Variants in DYSF observed in about 807,000 individuals in gnomAD.
The protein encoded by DYSF is dysferlin.
A neutral mutation model predicts 274.9 loss-of-function variants in DYSF; 212 were observed. That is an observed-to-expected ratio of 0.77 (90% CI 0.69 to 0.86). The LOEUF is 0.86. DYSF is among the 40% of genes least tolerant of loss of function. The probability of loss-of-function intolerance (pLI) is 0.00; values close to 1 mark genes in which losing one functional copy is unlikely to be tolerated. For synonymous variants in DYSF, 1,091 were observed against 1,078.7 expected, an observed-to-expected ratio of 1.01 and a Z score of -0.22; for missense variants, 2,666 against 2,783.2, an observed-to-expected ratio of 0.96 and a Z score of 0.95.
chr2:71,667,489 A>G lies in DYSF; in HGVS notation c.5431A>G (p.Ser1811Gly), dbSNP rs1393411104. The change falls in exon 48 of 56, where the codon AGC (serine) becomes GGC (glycine). Residue 1811 changes from serine (S) to glycine (G), a missense_variant. Ser to Gly is a moderately conservative substitution (Grantham distance 56, BLOSUM62 0). This residue lies in a region of DYSF where 1,460 missense variants were observed against 1,502.1 expected (regional missense o/e 0.97). Coordinates refer to ENST00000410020, the MANE Select transcript of DYSF (RefSeq NM_001130987.2). The part of the protein sequence containing the change: ...PEHVESRPLY[S>G]PLQPDIEQGK... ...GCACGTGGAGTCACGGCCCCTCTAC[A>G]GCCCCCTGCAGCCAGACATCGAGCA... The G allele has an allele frequency of 1.9e-6, 3 of 1,614,004 alleles. No individual in the cohort carries two copies. The highest frequency in any genetic ancestry group is 3.3e-4 in the Middle Eastern group (2 of 6,066).
At chr2:71,565,892 C>T (rs533016569) in intron 24 of DYSF, among the ~76,000 whole-genome samples, 2 of 152,358 alleles carry the variant, frequency 1.3e-5, no homozygotes, top group East Asian at 3.9e-4. Flanking sequence ...CACCTCTCCC[C>T]TTTTCCTTTT....
intron 29 of DYSF, chr2:71,570,983 A>G: frequency 1.7e-6 from 1 of 574,800 alleles, no homozygotes; most frequent in Non-Finnish European, 3.1e-6. Context: ...GATCACACCC[A>G]GCACACAGAT....
chr2:71,581,837 T>G (rs1265891853), intron 30 of DYSF, among the ~76,000 whole-genome samples: 1 of 152,190 alleles, frequency 6.6e-6, no homozygotes, highest in African/African-American at 2.4e-5. Context: ...AATCTGGCCC[T>G]CTGCCTGCTT....
rs189558427 is a variant in DYSF at position 71,518,135 on chromosome 2, C to T, written c.1002+1096C>T. Among the ~76,000 whole-genome samples the T allele has an allele frequency of 1.1e-3, 163 of 152,304 alleles. 1 individual carries two copies. Among genetic ancestry groups the T allele is most frequent in the East Asian group, 9.3e-3 (48 of 5,180 alleles). On this transcript the variant is annotated intron_variant, in intron 10 of 55. Transcript: ENST00000410020. ...GGGGAACCCTGCCCCAGCCTCCTCACTTGTCCCAGACAGTCCAGAAGTGAA... is the reference window on the plus strand; with the variant it reads ...GGGGAACCCTGCCCCAGCCTCCTCATTTGTCCCAGACAGTCCAGAAGTGAA...
chr2:71,632,097 A>G (rs2094324620), intron 41 of DYSF, among the ~76,000 whole-genome samples: 1 of 152,164 alleles, frequency 6.6e-6, no homozygotes, highest in African/African-American at 2.4e-5. Context: ...GGAAATCTAC[A>G]GCATAGGCAA....
At chr2:71,616,184 GGTTTGTGTC>G (rs2093879577) in intron 40 of DYSF, among the ~76,000 whole-genome samples, 1 of 152,102 alleles carries the variant, frequency 6.6e-6, no homozygotes, top group South Asian at 2.1e-4. Flanking sequence ...GAAATGTTTT[GGTTTGTGTC>G]GAGAGTGGCC....
rs148433044 is a variant in DYSF, at chr2:71,587,301, C to T, written c.3403-2292C>T. 4.7e-4 allele frequency among the ~76,000 whole-genome samples: 72 copies of T among 152,274 alleles called. No individual in the cohort carries two copies. In the East Asian group the frequency reaches 9.9e-3, roughly 21 times the overall value. On this transcript the variant is annotated intron_variant, in intron 30 of 55. Coordinates refer to ENST00000410020, the MANE Select transcript of DYSF (RefSeq NM_001130987.2). ...AGGGAGGATTTCAGGCCTTTGGGTC[C>T]GTGAGAGAGAGCGAGAGAGGGGGAA...
chr2:71,468,122 C>A (rs1056031889), intron 1 of DYSF, among the ~76,000 whole-genome samples: 2 of 152,190 alleles, frequency 1.3e-5, no homozygotes, highest in Non-Finnish European at 2.9e-5. Context: ...CCTGGGAGTT[C>A]ACTATGCAAG....
intron 10 of DYSF, among the ~76,000 whole-genome samples, chr2:71,518,819 G>T (rs1205529713): frequency 6.6e-6 from 1 of 151,792 alleles, no homozygotes. Context: ...GGGACCAGGC[G>T]CAGTGGCTCA....
intron 40 of DYSF, 113 bp downstream of exon 40, chr2:71,613,523 C>T: frequency 2.1e-6 from 2 of 951,554 alleles, no homozygotes; most frequent in East Asian, 2.6e-5. Flanking sequence ...TACACATCCC[C>T]TTCTGGGCTC....
chr2:71,554,807 G>T (rs1043932864), intron 21 of DYSF, among the ~76,000 whole-genome samples: 2 of 152,318 alleles, frequency 1.3e-5, no homozygotes, highest in Admixed American at 6.5e-5. Flanking sequence ...GCTGGATGCT[G>T]CAGTCCTGGC....
intron 3 of DYSF, among the ~76,000 whole-genome samples, chr2:71,491,059 A>AATG (rs1395102082): frequency 3.3e-5 from 5 of 152,204 alleles, no homozygotes; most frequent in Non-Finnish European, 7.3e-5. Flanking sequence ...TGTCCCAATT[A>AATG]ATGTCCACCA....
At chr2:71,612,607 A>C in intron 38 of DYSF, 34 bp from the exon 39 acceptor site, 1 of 1,611,164 alleles carries the variant, frequency 6.2e-7, no homozygotes, top group African/African-American at 1.3e-5. Flanking sequence ...CCAGAGGGGG[A>C]TTCAGGCCAG....
At chr2:71,665,403 A>G in intron 47 of DYSF, 99 bp downstream of exon 47, 1 of 1,514,968 alleles carries the variant, frequency 6.6e-7, no homozygotes, top group South Asian at 1.1e-5. Context: ...AGCGGACATA[A>G]CCCACAGCAG....
chr2:71,484,726 A>C (rs924234605), intron 3 of DYSF, among the ~76,000 whole-genome samples: 7 of 152,184 alleles, frequency 4.6e-5, no homozygotes, highest in Admixed American at 3.3e-4. Flanking sequence ...ATTTTTTAAA[A>C]ATTAGTTCTC....
chr2:71,641,414 C>T lies in DYSF; in HGVS notation c.4528-2551C>T, dbSNP rs575161656. 5.3e-3 allele frequency among the ~76,000 whole-genome samples: 806 copies of T among 152,090 alleles called. 8 individuals carry two copies. The highest frequency in any genetic ancestry group is 0.019 in the African/African-American group (776 of 41,532). ...CAGGATGGTCTCGATCTCCTGACCT[C>T]GTGATCCACCCGCCTCGGCCTCCCA... On this transcript the variant is annotated intron_variant, in intron 41 of 55. Transcript: ENST00000410020.
chr2:71,528,259 A>C, intron 13 of DYSF, 39 bp from the exon 14 acceptor site: 1 of 1,571,512 alleles, frequency 6.4e-7, no homozygotes. Context: ...TAGAGGAGAG[A>C]CAGCAGGCAG....
At chr2:71,600,898 C>T in intron 34 of DYSF, 56 bp downstream of exon 34, 2 of 1,599,674 alleles carry the variant, frequency 1.3e-6, no homozygotes, top group Non-Finnish European at 1.7e-6. Flanking sequence ...GGGTGGGGGC[C>T]AACCCTCTGT....
At chr2:71,665,343 G>C (rs143732031) in intron 47 of DYSF, 39 bp downstream of exon 47, 1 of 1,613,398 alleles carries the variant, frequency 6.2e-7, no homozygotes, top group Non-Finnish European at 8.5e-7. Context: ...GTGGGCTCTC[G>C]CTGTATCCCT....
Sources: gnomAD v4.1 joint callset for allele counts (sites outside exome capture counted in the v4.1 genomes callset) on GRCh38, gnomAD v4.1.1 for gene constraint, gnomAD v4.1.1 regional missense constraint, MANE v1.5 for transcripts, NCBI Gene and HGNC (gene_info 2026-07-23, HGNC 2026-07-21) for gene names.